Variants in TNS3 observed in about 807,000 individuals in gnomAD.
TNS3 encodes the protein tensin 3, also known as tensin-3.
TNS3 carries 45 observed loss-of-function variants against 140.9 expected under a neutral mutation model. That is an observed-to-expected ratio of 0.32 (90% confidence interval 0.25 to 0.41). The LOEUF (loss-of-function observed/expected upper bound fraction) is 0.41. Among genes scored for constraint, TNS3 ranks in the 10% least tolerant of loss-of-function variants. TNS3 has a pLI of 1.00. For missense variants in TNS3, 1,716 were observed against 1,906.7 expected, an observed-to-expected ratio of 0.90 and a Z score of 1.86; for synonymous variants, 815 against 788.4, an observed-to-expected ratio of 1.03 and a Z score of -0.56.
At chr7:47,445,560 TGG>T (rs1264688511) in intron 4 of TNS3, among the ~76,000 whole-genome samples, 1 of 152,166 alleles carries the variant, frequency 6.6e-6, no homozygotes, top group African/African-American at 2.4e-5. Flanking sequence ...GACTCTTGCT[TGG>T]GGGAGCTGTT....
chr7:47,413,184 C>T (rs530648656), intron 12 of TNS3, among the ~76,000 whole-genome samples: 1 of 150,170 alleles, frequency 6.7e-6, no homozygotes, highest in Non-Finnish European at 1.5e-5. Flanking sequence ...AATCTCTTGA[C>T]CTTGTGATCA....
At chr7:47,357,980 C>A (rs1790092160) in intron 17 of TNS3, among the ~76,000 whole-genome samples, 1 of 152,148 alleles carries the variant, frequency 6.6e-6, no homozygotes, top group South Asian at 2.1e-4. Flanking sequence ...AGCTGCAAAC[C>A]ACAGAAGGGG....
intron 11 of TNS3, 71 bp downstream of exon 11, chr7:47,415,023 T>G: frequency 8.6e-7 from 1 of 1,166,094 alleles, no homozygotes; most frequent in Non-Finnish European, 1.2e-6. Context: ...CTTATCTAAA[T>G]TGAGGGGCCC....
chr7:47,469,912 TG>T (rs1175565001), intron 4 of TNS3, among the ~76,000 whole-genome samples: 1 of 138,396 alleles, frequency 7.2e-6, no homozygotes, highest in Non-Finnish European at 1.5e-5. Context: ...AGGCAGAGGT[TG>T]CAGTGAGCCA....
chr7:47,469,973 CAAAA>C (rs144012426), intron 4 of TNS3, among the ~76,000 whole-genome samples: 5 of 64,880 alleles, frequency 7.7e-5, no homozygotes, highest in Middle Eastern at 0.011. Context: ...AACTCTGTCT[CAAAA>C]AAAAAAAAAA....
chr7:47,343,552 G>T (rs1181735275), intron 20 of TNS3, among the ~76,000 whole-genome samples: 2 of 152,202 alleles, frequency 1.3e-5, no homozygotes, highest in African/African-American at 2.4e-5. Flanking sequence ...TTCAAGCTAG[G>T]AGCCAAGTAC....
intron 16 of TNS3, among the ~76,000 whole-genome samples, chr7:47,395,365 G>C (rs1792768737): frequency 6.6e-6 from 1 of 152,122 alleles, no homozygotes; most frequent in South Asian, 2.1e-4. Flanking sequence ...GCCTTGCGAT[G>C]ATTATTTACA....
intron 3 of TNS3, among the ~76,000 whole-genome samples, chr7:47,486,657 G>A (rs1797625418): frequency 6.6e-6 from 1 of 152,124 alleles, no homozygotes; most frequent in Non-Finnish European, 1.5e-5. Flanking sequence ...CTTACTTCTG[G>A]GAGATCCAAG....
chr7:47,321,427 C>G (rs545293315), intron 20 of TNS3, among the ~76,000 whole-genome samples: 2 of 152,314 alleles, frequency 1.3e-5, no homozygotes, highest in East Asian at 3.9e-4. Context: ...TCCACTGAGT[C>G]CAAAACTCAC....
At chr7:47,374,808 A>G (rs1791281879) in intron 16 of TNS3, among the ~76,000 whole-genome samples, 1 of 150,024 alleles carries the variant, frequency 6.7e-6, no homozygotes, top group East Asian at 1.9e-4. Context: ...ATAGCCAACT[A>G]AACTCCCATT....
At chr7:47,491,928 G>A (rs1439048633) in intron 3 of TNS3, among the ~76,000 whole-genome samples, 4 of 152,138 alleles carry the variant, frequency 2.6e-5, no homozygotes, top group African/African-American at 4.8e-5. Flanking sequence ...CTGGAAGGAC[G>A]GGTCCAGATG....
In TNS3 at chr7:47,369,190, C is replaced by T. The variant is rs778730516; in HGVS notation, c.1456G>A (p.Asp486Asn). ...CCAAGGCTGTCCACACTGTGCAGGT[C>T]GTGGTGGGGCATCTCGTCATCCAGA... Reference protein sequence around the residue: ...DILDDEMPHHDLHSVDSLGTL... With the variant: ...DILDDEMPHHNLHSVDSLGTL... The change falls in exon 17 of 31, where the codon GAC becomes AAC. Residue 486 changes from aspartate (D) to asparagine (N), a missense_variant. Around this residue, in one of 3 missense-constraint regions of TNS3, gnomAD observed 1,163 missense variants for 1,182.1 expected, o/e 0.98. Coordinates refer to ENST00000311160, the MANE Select transcript of TNS3 (RefSeq NM_022748.12). 6 of 1,614,188 alleles carry T rather than the reference C, an allele frequency of 3.7e-6. No homozygotes were observed. Among genetic ancestry groups the T allele is most frequent in the Non-Finnish European group, 5.1e-6 (6 of 1,180,042 alleles).
intron 1 of TNS3, among the ~76,000 whole-genome samples, chr7:47,576,067 C>G (rs940891932): frequency 1.3e-5 from 2 of 152,126 alleles, no homozygotes; most frequent in Non-Finnish European, 2.9e-5. Context: ...AGGAGACAAA[C>G]TGGAAACACC....
Position 47,473,296 on chromosome 7 carries a change from A to T in TNS3, c.-76+7807T>A, listed in dbSNP as rs1020108034. ...AACACCTGGATGCTGATCTAACAGG[A>T]TCCTTGAAACTCTTCTCTCTGCTTC... On this transcript the variant is annotated intron_variant, in intron 4 of 30. Coordinates refer to ENST00000311160, the MANE Select transcript of TNS3 (RefSeq NM_022748.12). 9.8e-5 allele frequency among the ~76,000 whole-genome samples: 15 copies of T among 152,294 alleles called. 1 individual carries two copies. In the South Asian group the frequency reaches 3.1e-3, roughly 32 times the overall value.
At chr7:47,316,966 T>A (rs1450628814) in intron 20 of TNS3, among the ~76,000 whole-genome samples, 3 of 152,026 alleles carry the variant, frequency 2.0e-5, no homozygotes, top group Non-Finnish European at 2.9e-5. Context: ...AGAATCAAAG[T>A]CCTACAGATA....
At position 47,424,149 on chromosome 7, in the gene TNS3, T is replaced by C; in HGVS notation, c.425A>G (p.Lys142Arg). 1 of 1,614,182 alleles carries C rather than the reference T, an allele frequency of 6.2e-7. No individual in the cohort carries two copies. Among genetic ancestry groups the C allele is most frequent in the Non-Finnish European group, 8.5e-7 (1 of 1,180,028 alleles). The part of the protein sequence containing the change: ...DQALDRFAMK[K>R]FYDDKVSALM... ...AGCTGAAACTTTGTCATCATAAAAC[T>C]TCTTCATTGCAAACCTGTCAAGGGC... is the stretch of plus-strand genomic sequence containing the variant. The change falls in exon 10 of 31, where the codon AAG becomes AGG. Residue 142 changes from lysine to arginine, a missense_variant. This residue lies in a region of TNS3 where 337 missense variants were observed against 428.9 expected (regional missense o/e 0.79). Transcript: ENST00000311160.
intron 1 of TNS3, among the ~76,000 whole-genome samples, chr7:47,559,539 C>G (rs1196212140): frequency 6.6e-6 from 1 of 152,074 alleles, no homozygotes; most frequent in South Asian, 2.1e-4. Context: ...ATCATCTTTA[C>G]GCACCCCAGG....
In TNS3 at chr7:47,369,201, A is replaced by T; in HGVS notation, c.1445T>A (p.Met482Lys). The T allele has an allele frequency of 6.2e-7, 1 of 1,613,928 alleles. No individual in the cohort carries two copies. Among genetic ancestry groups the T allele is most frequent in the Non-Finnish European group, 8.5e-7 (1 of 1,179,918 alleles). The stretch of plus-strand genomic sequence containing the variant: ...CACACTGTGCAGGTCGTGGTGGGGC[A>T]TCTCGTCATCCAGAATGTCTGTCTC... ...DRETDILDDE[M>K]PHHDLHSVDS... The change falls in exon 17 of 31, where the codon ATG (methionine) becomes AAG (lysine). Residue 482 changes from methionine to lysine, a missense_variant. Physicochemically the swap from Met to Lys is moderately conservative, Grantham distance 95. Coordinates refer to ENST00000311160, the MANE Select transcript of TNS3 (RefSeq NM_022748.12).
At chr7:47,481,223 A>G (rs1797404835) in intron 3 of TNS3, 82 bp from the exon 4 acceptor site, 6 of 1,028,612 alleles carry the variant, frequency 5.8e-6, no homozygotes, top group Non-Finnish European at 8.0e-6. Flanking sequence ...GCTCCCAAAG[A>G]CTGAATGAAA....
Sources: gnomAD v4.1 joint callset for allele counts (sites outside exome capture counted in the v4.1 genomes callset) on GRCh38, gnomAD v4.1.1 for gene constraint, gnomAD v4.1.1 regional missense constraint, MANE v1.5 for transcripts, NCBI Gene and HGNC (gene_info 2026-07-23, HGNC 2026-07-21) for gene names.